BMP2K: variants seen among roughly 807,000 people sequenced by gnomAD.
The protein encoded by BMP2K is BMP-2-inducible protein kinase.
In BMP2K, 74 loss-of-function variants were observed where a neutral mutation model predicts 116.0. That is an observed-to-expected ratio of 0.64 (90% CI 0.53 to 0.77). BMP2K has a LOEUF of 0.77. Ranked by LOEUF, BMP2K falls within the 30% of genes least tolerant of loss-of-function variation. BMP2K has a pLI of 0.00. For missense variants in BMP2K, 1,365 were observed against 1,403.6 expected, an observed-to-expected ratio of 0.97 and a Z score of 0.44; for synonymous variants, 486 against 502.5, an observed-to-expected ratio of 0.97 and a Z score of 0.44.
At chr4:78,803,850 C>G (rs572310257) in intron 1 of BMP2K, among the ~76,000 whole-genome samples, 3 of 152,138 alleles carry the variant, frequency 2.0e-5, no homozygotes, top group South Asian at 2.1e-4. Context: ...TCATGTGTAC[C>G]TTTTTATCAT....
chr4:78,864,148 A>G (rs1182158352), intron 9 of BMP2K, among the ~76,000 whole-genome samples: 1 of 152,120 alleles, frequency 6.6e-6, no homozygotes, highest in Non-Finnish European at 1.5e-5. Context: ...GGCTTTTGCT[A>G]TGCCTACGTG....
chr4:78,815,924 A>G (rs1364663886), intron 1 of BMP2K, among the ~76,000 whole-genome samples: 1 of 152,170 alleles, frequency 6.6e-6, no homozygotes. Context: ...AAGTGACATG[A>G]TGTATACAGA....
intron 14 of BMP2K, among the ~76,000 whole-genome samples, chr4:78,883,066 A>G (rs1370976836): frequency 1.3e-5 from 2 of 152,150 alleles, no homozygotes; most frequent in African/African-American, 4.8e-5. Flanking sequence ...ATTATGGAAT[A>G]TACTTTGATT....
At chr4:78,851,177 T>A in intron 7 of BMP2K, 121 bp downstream of exon 7, 4 of 1,043,110 alleles carry the variant, frequency 3.8e-6, no homozygotes, top group Middle Eastern at 3.2e-4. Flanking sequence ...GAAACTATAG[T>A]AAAGAAAAAA....
intron 15 of BMP2K, among the ~76,000 whole-genome samples, chr4:78,896,695 AATTTCTAGAAG>A (rs1173585825): frequency 6.6e-6 from 1 of 152,120 alleles, no homozygotes; most frequent in African/African-American, 2.4e-5. Context: ...ATTTTATGGG[AATTTCTAGAAG>A]TTGTTAAATT....
intron 13 of BMP2K, among the ~76,000 whole-genome samples, chr4:78,876,919 A>G (rs1185124774): frequency 1.3e-5 from 2 of 152,214 alleles, no homozygotes; most frequent in African/African-American, 4.8e-5. Flanking sequence ...TATATAGCTT[A>G]TTGCTCTTAC....
intron 1 of BMP2K, among the ~76,000 whole-genome samples, chr4:78,783,629 A>T (rs1727605360): frequency 6.6e-6 from 1 of 152,088 alleles, no homozygotes; most frequent in Admixed American, 6.5e-5. Flanking sequence ...AACAGGGTGA[A>T]ACCCCATCTC....
At chr4:78,785,928 A>T (rs1727703901) in intron 1 of BMP2K, among the ~76,000 whole-genome samples, 1 of 152,134 alleles carries the variant, frequency 6.6e-6, no homozygotes, top group South Asian at 2.1e-4. Context: ...TTGCCTAACC[A>T]AGTAAAGTAC....
chr4:78,786,935 G>T (rs1035279601), intron 1 of BMP2K, among the ~76,000 whole-genome samples: 1 of 151,664 alleles, frequency 6.6e-6, no homozygotes, highest in Non-Finnish European at 1.5e-5. Context: ...AAAATATTTG[G>T]TAGAGATGGG....
At chr4:78,828,064 G>A (rs945672389) in intron 2 of BMP2K, among the ~76,000 whole-genome samples, 3 of 152,186 alleles carry the variant, frequency 2.0e-5, no homozygotes, top group Non-Finnish European at 2.9e-5. Context: ...TAGCATGAGA[G>A]CAGACCCATC....
chr4:78,843,514 T>C (rs745838149), intron 4 of BMP2K, among the ~76,000 whole-genome samples: 1 of 151,916 alleles, frequency 6.6e-6, no homozygotes, highest in Non-Finnish European at 1.5e-5. Flanking sequence ...TATTGAATGA[T>C]TAAATCCCAG....
intron 1 of BMP2K, among the ~76,000 whole-genome samples, chr4:78,799,865 T>G (rs1728485941): frequency 6.6e-6 from 1 of 152,186 alleles, no homozygotes; most frequent in African/African-American, 2.4e-5. Context: ...ATTTACCCAG[T>G]GGTCTGGCCA....
chr4:78,898,225 C>T (rs1036106984), intron 15 of BMP2K, among the ~76,000 whole-genome samples: 2 of 152,148 alleles, frequency 1.3e-5, no homozygotes, highest in African/African-American at 2.4e-5. Context: ...TAGACCCACC[C>T]TGTGGGCTTT....
At chr4:78,822,095 T>G (rs1479385452) in intron 1 of BMP2K, among the ~76,000 whole-genome samples, 1 of 152,192 alleles carries the variant, frequency 6.6e-6, no homozygotes, top group Non-Finnish European at 1.5e-5. Flanking sequence ...ATGTTGTCAT[T>G]ATTTTATTAC....
At position 78,859,577 on chromosome 4, in the gene BMP2K, C is replaced by A. The variant is rs1731669004; in HGVS notation, c.884-7C>A. 1.9e-6 allele frequency: 3 copies of A among 1,588,302 alleles called. No individual in the cohort carries two copies. The East Asian group carries it at 6.7e-5, about 36-fold the overall frequency. ...AAACTTCTTAACATTTTGATCTATT[C>A]TTGCAGGGTTCATGCTTGAACCAGA... On this transcript the variant is annotated splice_region_variant and splice_polypyrimidine_tract_variant and intron_variant, in intron 7 of 15. Coordinates refer to ENST00000502613, the MANE Select transcript of BMP2K (RefSeq NM_198892.2).
intron 1 of BMP2K, among the ~76,000 whole-genome samples, chr4:78,811,952 T>C (rs1729112242): frequency 6.6e-6 from 1 of 152,118 alleles, no homozygotes; most frequent in South Asian, 2.1e-4. Flanking sequence ...TTTCCCACAC[T>C]GAAGTTATTT....
At position 78,912,194 on chromosome 4, in the gene BMP2K, C is replaced by CT. The variant is rs749997935; in HGVS notation, c.*162dup. The CT allele has an allele frequency of 1.5e-6, 1 of 672,802 alleles. No homozygotes were observed. Among genetic ancestry groups the CT allele is most frequent in the Non-Finnish European group, 2.5e-6 (1 of 404,964 alleles). The allele number at this position is 672,802 out of a possible 1,614,324, so 41.7% of individuals were successfully genotyped here. On this transcript the variant is annotated 3_prime_UTR_variant, in exon 16 of 16. Coordinates refer to ENST00000502613, the MANE Select transcript of BMP2K (RefSeq NM_198892.2). ...AACCAAATAGAAGAATGAAGTATCT[C>CT]TACAGGGTAGTAACTTGATTCCTCT... is the stretch of plus-strand genomic sequence containing the variant.
At position 78,871,874 on chromosome 4, in the gene BMP2K, C is replaced by G; in HGVS notation, c.1534C>G (p.Gln512Glu). ...QQYQHATQQQ[Q>E]MLQQQFLMHS... ...GTATCAACATGCAACACAGCAGCAA[C>G]AGATGCTTCAACAACAATTTTTAAT... The change falls in exon 12 of 16, where the codon CAG becomes GAG. Residue 512 changes from glutamine (Q) to glutamate (E), a missense_variant. Physicochemically the swap from Gln to Glu is conservative, Grantham distance 29 (BLOSUM62 2). This residue lies in a region of BMP2K where 762 missense variants were observed against 756.7 expected (regional missense o/e 1.01). Transcript: ENST00000502613. 1 of 1,613,000 alleles carries G rather than the reference C, an allele frequency of 6.2e-7. No homozygotes were observed. The highest frequency in any genetic ancestry group is 8.5e-7 in the Non-Finnish European group (1 of 1,179,434).
chr4:78,810,097 C>G (rs1729013426), intron 1 of BMP2K, among the ~76,000 whole-genome samples: 1 of 152,222 alleles, frequency 6.6e-6, no homozygotes, highest in South Asian at 2.1e-4. Context: ...CCACTGAAGT[C>G]TGCTCAGATT....
Sources: gnomAD v4.1 joint callset for allele counts (sites outside exome capture counted in the v4.1 genomes callset) on GRCh38, gnomAD v4.1.1 for gene constraint, gnomAD v4.1.1 regional missense constraint, MANE v1.5 for transcripts, NCBI Gene and HGNC (gene_info 2026-07-23, HGNC 2026-07-21) for gene names.